Variants in LOXL2 observed in about 807,000 individuals in gnomAD.
LOXL2 encodes the protein lysyl oxidase like 2, also known as lysyl oxidase homolog 2.
In LOXL2, 70 loss-of-function variants were observed where a neutral mutation model predicts 93.0. That is an observed-to-expected ratio of 0.75 (90% confidence interval 0.62 to 0.92). The LOEUF (loss-of-function observed/expected upper bound fraction) is 0.92, where lower values mean the gene tolerates loss of function less well. Among genes scored for constraint, LOXL2 ranks in the 40% least tolerant of loss-of-function variants. The pLI is 0.00. For missense variants in LOXL2, 973 were observed against 1,054.9 expected (o/e 0.92, Z 1.08); for synonymous variants, 438 against 413.2 (o/e 1.06, Z -0.73).
chr8:23,349,560 C>G (rs1804056226), intron 3 of LOXL2, among the ~76,000 whole-genome samples: 1 of 151,976 alleles, frequency 6.6e-6, no homozygotes, highest in South Asian at 2.1e-4. Context: ...CCTCCCCTGC[C>G]CCCAAATAGG....
At chr8:23,332,281 CCACA>C (rs1247606645) in intron 5 of LOXL2, among the ~76,000 whole-genome samples, 9 of 118,192 alleles carry the variant, frequency 7.6e-5, no homozygotes, top group Non-Finnish European at 1.4e-4. Flanking sequence ...TACACACAAC[CCACA>C]CAGACCCCCA....
chr8:23,393,854 T>C (rs1049183145), intron 1 of LOXL2, among the ~76,000 whole-genome samples: 1 of 152,360 alleles, frequency 6.6e-6, no homozygotes, highest in Non-Finnish European at 1.5e-5. Flanking sequence ...TGCATGTCTG[T>C]TTCTCTTTTA....
intron 10 of LOXL2, among the ~76,000 whole-genome samples, chr8:23,305,734 A>G (rs547543937): frequency 6.6e-6 from 1 of 152,060 alleles, no homozygotes; most frequent in Non-Finnish European, 1.5e-5. Context: ...AGAGCCTGAC[A>G]CTTGGCGGAG....
Position 23,305,805 on chromosome 8 carries a change from G to A in LOXL2, c.1881-2408C>T, listed in dbSNP as rs12541302. Among the ~76,000 whole-genome samples, 1,334 of 144,256 alleles carry A rather than the reference G, an allele frequency of 9.2e-3. 69 individuals are homozygous for A. The East Asian group carries it at 0.15, about 17-fold the overall frequency. 94.6% of individuals were successfully genotyped at this position (144,256 alleles called of 152,430 possible). ...CTACCGTGAGACTCCAGAGCTCAAT[G>A]CTTTTTTGTTTTTGTTTTTTTTTTG... On this transcript the variant is annotated intron_variant, in intron 10 of 13. Transcript: ENST00000389131.
rs982072024 is a variant in LOXL2 at position 23,334,851 on chromosome 8, C to T, written c.744-1228G>A. Among the ~76,000 whole-genome samples the T allele has an allele frequency of 5.4e-5, 8 of 149,048 alleles. No homozygotes were observed. In the East Asian group the frequency reaches 1.6e-3, roughly 29 times the overall value. ...TTTTTTTTTGAGATGGAGTCTCACT[C>T]TGTTGCCCAGGCTGGAGTGCTTTGG... is the stretch of plus-strand genomic sequence containing the variant. On this transcript the variant is annotated intron_variant, in intron 4 of 13. Coordinates refer to ENST00000389131, the MANE Select transcript of LOXL2 (RefSeq NM_002318.3).
intron 3 of LOXL2, among the ~76,000 whole-genome samples, chr8:23,347,201 ACACACACT>A (rs1402644803): frequency 8.9e-6 from 1 of 112,408 alleles, no homozygotes; most frequent in Non-Finnish European, 1.8e-5. Context: ...ACACACACAC[ACACACACT>A]AGCTGGGTAT....
intron 2 of LOXL2, among the ~76,000 whole-genome samples, chr8:23,367,589 G>A (rs57066934): frequency 6.6e-6 from 1 of 152,270 alleles, no homozygotes; most frequent in South Asian, 2.1e-4. Context: ...AACAGGGAAC[G>A]ATTTGGAGTA....
intron 9 of LOXL2, among the ~76,000 whole-genome samples, chr8:23,315,361 C>G (rs144144226): frequency 6.6e-6 from 1 of 152,238 alleles, no homozygotes; most frequent in African/African-American, 2.4e-5. Context: ...TCCCTGAATA[C>G]TCTAACGTGC....
At chr8:23,348,821 G>A (rs1188013143) in intron 3 of LOXL2, among the ~76,000 whole-genome samples, 1 of 152,036 alleles carries the variant, frequency 6.6e-6, no homozygotes, top group Non-Finnish European at 1.5e-5. Context: ...AGCTTGCAGT[G>A]AGCTGAGATC....
chr8:23,330,397 C>T (rs1489725887), intron 5 of LOXL2, among the ~76,000 whole-genome samples: 2 of 152,108 alleles, frequency 1.3e-5, no homozygotes, highest in Non-Finnish European at 2.9e-5. Flanking sequence ...ACAAAACACG[C>T]ATAACTACTG....
In LOXL2 at chr8:23,305,250, C is replaced by G. The variant is rs189138800; in HGVS notation, c.1881-1853G>C. Among the ~76,000 whole-genome samples, 7 of 152,308 alleles carry G rather than the reference C, an allele frequency of 4.6e-5. No homozygotes were observed. The East Asian group carries it at 1.4e-3, about 29-fold the overall frequency. On this transcript the variant is annotated intron_variant, in intron 10 of 13. Transcript: ENST00000389131. Reference sequence around the variant, plus strand: ...GATGCTCCGTTGTCTAAACAGAATTCAGACGGAGCGCACAGACAGACTCTT... The same window carrying G: ...GATGCTCCGTTGTCTAAACAGAATTGAGACGGAGCGCACAGACAGACTCTT...
In LOXL2 at chr8:23,331,399, G is replaced by A. The variant is rs75484129; in HGVS notation, c.966+2002C>T. On this transcript the variant is annotated intron_variant, in intron 5 of 13. Transcript: ENST00000389131. The stretch of plus-strand genomic sequence containing the variant: ...CCCACCTGGAACTCACCCCTGCCAA[G>A]GTGATGATTACTACGATCATCACGC... 8.5e-3 allele frequency: 1,292 copies of A among 152,256 alleles called. 83 individuals carry two copies. In the East Asian group the frequency reaches 0.16, roughly 19 times the overall value. The allele number at this position is 152,256 out of a possible 1,614,324, so 9.4% of individuals were successfully genotyped here.
intron 6 of LOXL2, 86 bp from the exon 7 acceptor site, chr8:23,322,367 T>C: frequency 3.3e-6 from 4 of 1,213,586 alleles, no homozygotes; most frequent in Non-Finnish European, 4.7e-6. Flanking sequence ...AATAAGAACA[T>C]GCCTCTCCCA....
At position 23,297,760 on chromosome 8, in the gene LOXL2, C is replaced by A; in HGVS notation, c.*283G>T. The A allele has an allele frequency of 2.7e-6, 1 of 363,856 alleles. No homozygotes were observed. Among genetic ancestry groups the A allele is most frequent in the Non-Finnish European group, 5.1e-6 (1 of 197,766 alleles). The allele number at this position is 363,856 out of a possible 1,614,324, so 22.5% of individuals were successfully genotyped here. A position where few individuals can be genotyped will look rare whatever the true frequency, so the allele number is the denominator to read the frequency against. On this transcript the variant is annotated 3_prime_UTR_variant, in exon 14 of 14. Coordinates refer to ENST00000389131, the MANE Select transcript of LOXL2 (RefSeq NM_002318.3). ...AGCTGATGACAACCTGTCTGTGGGC[C>A]TCATCCCGGTCAAGACTGGCTCTTG...
At chr8:23,321,511 G>A (rs138825063) in intron 7 of LOXL2, among the ~76,000 whole-genome samples, 43 of 152,260 alleles carry the variant, frequency 2.8e-4, no homozygotes, top group African/African-American at 8.2e-4. Context: ...TCTGGTGAGC[G>A]GGGTCTGACC....
intron 1 of LOXL2, chr8:23,382,632 C>G (rs1563207839): frequency 1.3e-5 from 2 of 152,078 alleles, no homozygotes; most frequent in Non-Finnish European, 2.9e-5. Context: ...TATTCTGGGC[C>G]TTTATAGAAC....
rs79418062 is a variant in LOXL2 at position 23,392,226 on chromosome 8, T to C, written c.-84+11728A>G. ...GCTTGTCTGGAAATTTCTGGCTCCA[T>C]AAGGCAGTCAGGTAGGAGTGCTGGT... is the stretch of plus-strand genomic sequence containing the variant. On this transcript the variant is annotated intron_variant, in intron 1 of 13. Coordinates refer to ENST00000389131, the MANE Select transcript of LOXL2 (RefSeq NM_002318.3). 2.0e-5 allele frequency among the ~76,000 whole-genome samples: 3 copies of C among 152,260 alleles called. No homozygotes were observed. In the East Asian group the frequency reaches 5.8e-4, roughly 29 times the overall value.
At chr8:23,391,859 G>A (rs1264100040) in intron 1 of LOXL2, among the ~76,000 whole-genome samples, 6 of 152,144 alleles carry the variant, frequency 3.9e-5, no homozygotes, top group Non-Finnish European at 8.8e-5. Context: ...AAGATGGTGG[G>A]AATCCTGGGC....
At position 23,384,520 on chromosome 8, in the gene LOXL2, C is replaced by T. The variant is rs574476291; in HGVS notation, c.-83-16086G>A. On this transcript the variant is annotated intron_variant, in intron 1 of 13. Transcript: ENST00000389131. Reference sequence around the variant, plus strand: ...CTCAGCTTACTTCCAACAGTACCTGCAGCTGGTTCAGGAGGCTCGAGGAGT... The same window carrying T: ...CTCAGCTTACTTCCAACAGTACCTGTAGCTGGTTCAGGAGGCTCGAGGAGT... Among the ~76,000 whole-genome samples, 44 of 152,298 alleles carry T rather than the reference C, an allele frequency of 2.9e-4. 1 individual carries two copies. The South Asian group carries it at 9.1e-3, about 32-fold the overall frequency.
Sources: allele counts gnomAD v4.1 joint callset (sites outside exome capture counted in the v4.1 genomes callset), GRCh38; gene constraint gnomAD v4.1.1; transcripts MANE v1.5; gene names NCBI Gene and HGNC (gene_info 2026-07-23, HGNC 2026-07-21).